REDIC1: variants seen among roughly 807,000 people sequenced by gnomAD.
REDIC1 encodes the protein HEI10 Interacting Protein 1.
chr12:39,644,806 T>G, the REDIC1 span, among the ~76,000 whole-genome samples: 4 of 151,934 alleles, frequency 2.6e-5, no homozygotes, highest in African/African-American at 9.7e-5. Context: ...GGCTAAACCC[T>G]CAATAACAAA....
At chr12:39,764,347 C>T in the REDIC1 span, 1 of 1,005,458 alleles carries the variant, frequency 9.9e-7, no homozygotes. Flanking sequence ...CATGGAGATA[C>T]TTATAACAGC....
At chr12:39,856,808 T>C in the REDIC1 span, among the ~76,000 whole-genome samples, 1 of 152,184 alleles carries the variant, frequency 6.6e-6, no homozygotes, top group Non-Finnish European at 1.5e-5. Context: ...CATACCAGAG[T>C]GTTTTAAGTG....
chr12:39,786,059 C>A, the REDIC1 span, among the ~76,000 whole-genome samples: 279 of 152,178 alleles, frequency 1.8e-3, 2 homozygotes, highest in Non-Finnish European at 1.6e-3. Context: ...TAAGAATTTG[C>A]AGGACTGTTG....
the REDIC1 span, among the ~76,000 whole-genome samples, chr12:39,715,084 A>G: frequency 6.6e-6 from 1 of 151,652 alleles, no homozygotes; most frequent in Non-Finnish European, 1.5e-5. Context: ...TCCCAGCTAT[A>G]TATTTGTTTC....
the REDIC1 span, chr12:39,647,790 A>G: frequency 1.3e-6 from 2 of 1,508,078 alleles, no homozygotes; most frequent in Non-Finnish European, 8.9e-7. Flanking sequence ...TCTTTCCTAT[A>G]GTCACAAGGC....
the REDIC1 span, among the ~76,000 whole-genome samples, chr12:39,784,058 G>A: frequency 6.6e-6 from 1 of 152,116 alleles, no homozygotes; most frequent in Non-Finnish European, 1.5e-5. Flanking sequence ...ACAAACCACT[G>A]CTCAACGAAA....
the REDIC1 span, chr12:39,646,312 T>G: frequency 1.2e-6 from 1 of 834,048 alleles, no homozygotes; most frequent in Non-Finnish European, 1.7e-6. Flanking sequence ...ATTATAATTA[T>G]ATATTTTTTA....
chr12:39,746,184 AG>A, the REDIC1 span: 1 of 152,242 alleles, frequency 6.6e-6, no homozygotes, highest in Non-Finnish European at 1.5e-5. Flanking sequence ...TCCCTTTCCT[AG>A]CCAAGGGAAG....
chr12:39,731,312 T>C, the REDIC1 span, among the ~76,000 whole-genome samples: 1 of 152,214 alleles, frequency 6.6e-6, no homozygotes, highest in Non-Finnish European at 1.5e-5. Flanking sequence ...TGGTCTTTGA[T>C]GTTGGTGACC....
At chr12:39,873,854 G>T in the REDIC1 span, among the ~76,000 whole-genome samples, 28 of 152,144 alleles carry the variant, frequency 1.8e-4, no homozygotes, top group Non-Finnish European at 3.8e-4. Flanking sequence ...AAACTGACCT[G>T]GGATTCAGAA....
At chr12:39,838,683 C>T in the REDIC1 span, among the ~76,000 whole-genome samples, 1 of 151,990 alleles carries the variant, frequency 6.6e-6, no homozygotes, top group Non-Finnish European at 1.5e-5. Flanking sequence ...GGCCTATTTT[C>T]ATTCAATCAA....
chr12:39,657,864 T>G, the REDIC1 span, among the ~76,000 whole-genome samples: 1 of 151,978 alleles, frequency 6.6e-6, no homozygotes, highest in Non-Finnish European at 1.5e-5. Flanking sequence ...AAAATTGCAT[T>G]GAATTCTGCT....
chr12:39,637,520 A>G, the REDIC1 span, among the ~76,000 whole-genome samples: 175 of 152,236 alleles, frequency 1.1e-3, no homozygotes, highest in African/African-American at 4.1e-3. Context: ...CGAAGAATGT[A>G]AAACAACGTT....
chr12:39,701,110 C>CTTT, the REDIC1 span, among the ~76,000 whole-genome samples: 108,625 of 149,184 alleles, frequency 0.73, 40,805 homozygotes, highest in Non-Finnish European at 0.83. Context: ...TGTAAATGGA[C>CTTT]TAAATGCTCC....
the REDIC1 span, chr12:39,864,912 A>C: frequency 2.2e-5 from 35 of 1,593,074 alleles, no homozygotes; most frequent in Admixed American, 6.0e-4. Flanking sequence ...ATATTAGAGA[A>C]GAGTTGACAA....
chr12:39,626,367 G>A, the REDIC1 span: 7 of 1,614,102 alleles, frequency 4.3e-6, no homozygotes, highest in South Asian at 7.7e-5. Context: ...CCGGTAAGTT[G>A]TGCAGCTGGA....
At chr12:39,655,354 T>C in the REDIC1 span, among the ~76,000 whole-genome samples, 1 of 152,160 alleles carries the variant, frequency 6.6e-6, no homozygotes, top group African/African-American at 2.4e-5. Flanking sequence ...ACTGCTTAGA[T>C]GTCAACTAAT....
chr12:39,648,199 G>T, the REDIC1 span, among the ~76,000 whole-genome samples: 1 of 151,770 alleles, frequency 6.6e-6, no homozygotes, highest in African/African-American at 2.4e-5. Context: ...AAAAAATCTT[G>T]GAATGTATCA....
the REDIC1 span, among the ~76,000 whole-genome samples, chr12:39,696,651 G>GT: frequency 6.8e-6 from 1 of 146,694 alleles, no homozygotes; most frequent in Non-Finnish European, 1.5e-5. Flanking sequence ...CAAAATAGCT[G>GT]TTTTGAGGAA....
Sources: allele counts gnomAD v4.1 joint callset (sites outside exome capture counted in the v4.1 genomes callset), GRCh38; gene constraint gnomAD v4.1.1; transcripts MANE v1.5; gene names NCBI Gene and HGNC (gene_info 2026-07-23, HGNC 2026-07-21).